RAPGEF4: variants seen among roughly 807,000 people sequenced by gnomAD.
The protein encoded by RAPGEF4 is Rap guanine nucleotide exchange factor 4.
Under a neutral mutation model 147.9 loss-of-function variants are expected in RAPGEF4, and 66 were observed. The ratio of observed to expected loss-of-function variants is 0.45; its 90% CI spans 0.37 to 0.55. The LOEUF is 0.55. Among genes scored for constraint, RAPGEF4 ranks in the 20% least tolerant of loss-of-function variants. The probability of loss-of-function intolerance (pLI) is 0.00; values close to 1 mark genes in which losing one functional copy is unlikely to be tolerated. For missense variants in RAPGEF4, 1,071 were observed against 1,257.3 expected (o/e 0.85, Z 2.24); for synonymous variants, 419 against 442.7 (o/e 0.95, Z 0.67).
At chr2:172,903,738 C>G (rs1056599026) in intron 4 of RAPGEF4, among the ~76,000 whole-genome samples, 3 of 152,032 alleles carry the variant, frequency 2.0e-5, no homozygotes, top group African/African-American at 7.3e-5. Flanking sequence ...TGGGTAGGAT[C>G]AGACTTAAGA....
intron 11 of RAPGEF4, among the ~76,000 whole-genome samples, chr2:172,984,922 T>G (rs2676522): frequency 6.6e-6 from 1 of 151,824 alleles, no homozygotes; most frequent in Non-Finnish European, 1.5e-5. Flanking sequence ...AATTTTTTTT[T>G]AAATGTGAAT....
intron 10 of RAPGEF4, among the ~76,000 whole-genome samples, chr2:172,975,058 T>C (rs1371142818): frequency 6.6e-6 from 1 of 152,202 alleles, no homozygotes; most frequent in Non-Finnish European, 1.5e-5. Context: ...AAATACAGGA[T>C]GCCCGGTTAA....
intron 6 of RAPGEF4, among the ~76,000 whole-genome samples, chr2:172,958,469 A>G (rs1170989156): frequency 6.6e-6 from 1 of 152,206 alleles, no homozygotes; most frequent in East Asian, 1.9e-4. Flanking sequence ...TCTGGGTGAT[A>G]TACTATCAAA....
chr2:173,016,282 TG>T, intron 18 of RAPGEF4, 66 bp from the exon 19 acceptor site: 1 of 1,114,320 alleles, frequency 9.0e-7, no homozygotes. Context: ...ACATCTTTAT[TG>T]CTCTTGACAG....
At chr2:172,783,709 T>C (rs962285121) in intron 1 of RAPGEF4, among the ~76,000 whole-genome samples, 3 of 152,042 alleles carry the variant, frequency 2.0e-5, no homozygotes, top group Admixed American at 1.3e-4. Flanking sequence ...TGTATCTCTG[T>C]AGGCATGTTT....
intron 6 of RAPGEF4, among the ~76,000 whole-genome samples, chr2:172,958,748 G>A (rs1327893386): frequency 2.6e-5 from 4 of 152,186 alleles, no homozygotes; most frequent in African/African-American, 4.8e-5. Flanking sequence ...TGCCAGCGAG[G>A]TGATGAAAAT....
intron 17 of RAPGEF4, among the ~76,000 whole-genome samples, chr2:173,006,343 A>G (rs768205762): frequency 6.6e-6 from 1 of 152,232 alleles, no homozygotes; most frequent in African/African-American, 2.4e-5. Context: ...TACTGCAGCT[A>G]AAAGAATCTT....
intron 6 of RAPGEF4, among the ~76,000 whole-genome samples, chr2:172,955,122 C>T (rs748534382): frequency 5.3e-5 from 8 of 152,326 alleles, no homozygotes; most frequent in East Asian, 3.9e-4. Context: ...TTGCAAAAGG[C>T]TTCTTTGAGC....
chr2:172,744,295 C>T (rs188898666), intron 1 of RAPGEF4: 2 of 409,742 alleles, frequency 4.9e-6, no homozygotes, highest in East Asian at 7.7e-5. Context: ...ATCAGCCAGA[C>T]CTGGATTCAA....
At chr2:173,001,924 A>G (rs1472090695) in intron 17 of RAPGEF4, among the ~76,000 whole-genome samples, 1 of 148,970 alleles carries the variant, frequency 6.7e-6, no homozygotes, top group Non-Finnish European at 1.5e-5. Flanking sequence ...GGCAGGGACA[A>G]ACATCCAAAC....
rs143673916 is a variant in RAPGEF4 at position 172,780,681 on chromosome 2, C to T, written c.66-14344C>T. 2.5e-3 allele frequency among the ~76,000 whole-genome samples: 386 copies of T among 152,162 alleles called. 2 individuals are homozygous for T. Among genetic ancestry groups the T allele is most frequent in the South Asian group, 0.016 (77 of 4,820 alleles). ...GCTCTTCAATACCTTGGATTGATAG[C>T]GCTATCTCATTTTTTCTTTGCATAC... is the stretch of plus-strand genomic sequence containing the variant. On this transcript the variant is annotated intron_variant, in intron 1 of 30. Coordinates refer to ENST00000397081, the MANE Select transcript of RAPGEF4 (RefSeq NM_007023.4).
chr2:172,842,932 G>A (rs1311214637), intron 4 of RAPGEF4, among the ~76,000 whole-genome samples: 2 of 152,206 alleles, frequency 1.3e-5, no homozygotes, highest in Non-Finnish European at 2.9e-5. Context: ...TGCAGAGGTG[G>A]TGCAGTTACA....
rs377288802 is a variant in RAPGEF4, at chr2:172,952,745, G to T, written c.538-8015G>T. On this transcript the variant is annotated intron_variant, in intron 6 of 30. Coordinates refer to ENST00000397081, the MANE Select transcript of RAPGEF4 (RefSeq NM_007023.4). ...GCCTCTAAATATCTGACTTAGAAGT[G>T]TCTAACAGATATAGATATACCTCCT... Among the ~76,000 whole-genome samples the T allele has an allele frequency of 2.6e-5, 4 of 152,270 alleles. No individual in the cohort carries two copies. In the East Asian group the frequency reaches 5.8e-4, roughly 22 times the overall value.
intron 3 of RAPGEF4, among the ~76,000 whole-genome samples, chr2:172,800,452 G>T (rs1334395855): frequency 6.6e-6 from 1 of 152,234 alleles, no homozygotes; most frequent in Non-Finnish European, 1.5e-5. Flanking sequence ...CTTGTGATGG[G>T]CTCTGGGTCT....
At chr2:172,799,203 AT>A (rs1559047227) in intron 3 of RAPGEF4, among the ~76,000 whole-genome samples, 1 of 152,196 alleles carries the variant, frequency 6.6e-6, no homozygotes, top group Non-Finnish European at 1.5e-5. Context: ...CTTAACAGGT[AT>A]TTATTTACTT....
At chr2:172,855,710 A>G (rs1693337954) in intron 4 of RAPGEF4, among the ~76,000 whole-genome samples, 1 of 152,116 alleles carries the variant, frequency 6.6e-6, no homozygotes, top group Admixed American at 6.5e-5. Context: ...ATAGAATTCT[A>G]GCTTGACAAA....
chr2:172,880,875 G>A (rs185357890), intron 4 of RAPGEF4, among the ~76,000 whole-genome samples: 24 of 152,324 alleles, frequency 1.6e-4, no homozygotes, highest in African/African-American at 4.3e-4. Context: ...AAATTCATTT[G>A]TTGTTCACTC....
At chr2:172,991,666 G>A (rs2105741311) in intron 15 of RAPGEF4, among the ~76,000 whole-genome samples, 1 of 152,258 alleles carries the variant, frequency 6.6e-6, no homozygotes, top group South Asian at 2.1e-4. Context: ...TTCAATCTTA[G>A]TGTAATAAAA....
intron 6 of RAPGEF4, among the ~76,000 whole-genome samples, chr2:172,938,110 G>A (rs774626663): frequency 3.3e-5 from 5 of 152,014 alleles, no homozygotes; most frequent in Non-Finnish European, 5.9e-5. Flanking sequence ...AGATCTTGGC[G>A]CTAGGCGTGC....
Sources: gnomAD v4.1 joint callset for allele counts (sites outside exome capture counted in the v4.1 genomes callset) on GRCh38, gnomAD v4.1.1 for gene constraint, MANE v1.5 for transcripts, NCBI Gene and HGNC (gene_info 2026-07-23, HGNC 2026-07-21) for gene names.